Variants in ITGA11 observed in about 807,000 individuals in gnomAD.
ITGA11 encodes the protein integrin alpha-11.
Under a neutral mutation model 141.9 loss-of-function variants are expected in ITGA11, and 97 were observed. The observed-to-expected ratio is 0.68, with a 90% confidence interval of 0.58 to 0.81. The LOEUF (loss-of-function observed/expected upper bound fraction) is 0.81. Ranked by LOEUF, ITGA11 falls within the 30% of genes least tolerant of loss-of-function variation. The probability of loss-of-function intolerance (pLI) is 0.00; values close to 1 mark genes in which losing one functional copy is unlikely to be tolerated. For synonymous variants in ITGA11, 658 were observed against 624.6 expected (o/e 1.05, Z -0.80); for missense variants, 1,387 against 1,559.2 (o/e 0.89, Z 1.86).
chr15:68,376,849 C>A (rs918482814), intron 2 of ITGA11, among the ~76,000 whole-genome samples: 2 of 152,232 alleles, frequency 1.3e-5, no homozygotes, highest in African/African-American at 4.8e-5. Flanking sequence ...GGTACAAATG[C>A]AGGTTCCTGA....
rs762446520 is a variant in ITGA11, at chr15:68,361,572, A to G, written c.472+18T>C. 15 of 1,544,644 alleles carry G rather than the reference A, an allele frequency of 9.7e-6. No individual in the cohort carries two copies. The South Asian group carries it at 1.8e-4, about 18-fold the overall frequency. On this transcript the variant is annotated intron_variant, in intron 5 of 29. Coordinates refer to ENST00000315757, the MANE Select transcript of ITGA11 (RefSeq NM_001004439.2). Reference sequence around the variant, plus strand: ...TGTCCACTGCTCAGCTTGAGGTTGCAGATTTGAAGCCACTTACTTTGGAGA... The same window carrying G: ...TGTCCACTGCTCAGCTTGAGGTTGCGGATTTGAAGCCACTTACTTTGGAGA...
intron 2 of ITGA11, among the ~76,000 whole-genome samples, chr15:68,400,337 T>C (rs1031658503): frequency 3.3e-5 from 5 of 151,294 alleles, no homozygotes; most frequent in Admixed American, 2.7e-4. Flanking sequence ...CAGAGAAGAA[T>C]ATCTTCATGA....
At chr15:68,364,561 A>G in intron 4 of ITGA11, 146 bp downstream of exon 4, 1 of 689,804 alleles carries the variant, frequency 1.4e-6, no homozygotes, top group Non-Finnish European at 2.6e-6. Flanking sequence ...TGCTTCCTGG[A>G]ATGCACAGGG....
Position 68,303,244 on chromosome 15 carries a change from C to T in ITGA11, c.3496-114G>A. On this transcript the variant is annotated intron_variant, in intron 29 of 29. Transcript: ENST00000315757. The surrounding 1 kb of genome is among the most constrained non-coding windows in gnomAD (Gnocchi z 5.3). ...TCCTCCCTCAGGGCTTCCTTGAGTA[C>T]CCCCAGCTCATTCTGAGCACCCCCT... The T allele has an allele frequency of 2.3e-6, 2 of 860,316 alleles. No homozygotes were observed. Among genetic ancestry groups the T allele is most frequent in the South Asian group, 1.5e-5 (1 of 66,398 alleles). 53.3% of individuals were successfully genotyped at this position (860,316 alleles called of 1,614,324 possible). A position where few individuals can be genotyped will look rare whatever the true frequency, so the allele number is the denominator to read the frequency against.
intron 7 of ITGA11, among the ~76,000 whole-genome samples, chr15:68,356,729 A>G (rs1895082399): frequency 6.6e-6 from 1 of 152,182 alleles, no homozygotes; most frequent in African/African-American, 2.4e-5. Context: ...ATATTCTGGG[A>G]CTTCGAGACT....
In ITGA11 at chr15:68,361,615, G is replaced by A; in HGVS notation, c.447C>T (p.Ser149=). 1 of 1,608,408 alleles carries A rather than the reference G, an allele frequency of 6.2e-7. No homozygotes were observed. The highest frequency in any genetic ancestry group is 8.5e-7 in the Non-Finnish European group (1 of 1,177,364). The change falls in exon 5 of 30, where the codon TCC becomes TCT. Residue 149 remains serine (S), a synonymous_variant. Coordinates refer to ENST00000315757, the MANE Select transcript of ITGA11 (RefSeq NM_001004439.2). ...TTTGGAGAGCTGGGGCCACGGTCTT[G>A]GAGAACCTGAAGTTGGAGTTGACTC... is the stretch of plus-strand genomic sequence containing the variant. ...CSRVNSNFRF[S]KTVAPALQRC...
chr15:68,327,709 T>C (rs11630928), intron 16 of ITGA11, among the ~76,000 whole-genome samples: 100,096 of 152,102 alleles, frequency 0.66, 36,726 homozygotes, highest in South Asian at 0.84. Flanking sequence ...TGGGGTCTCA[T>C]TGACCTGGCC....
intron 10 of ITGA11, among the ~76,000 whole-genome samples, chr15:68,343,223 G>A (rs977032976): frequency 1.3e-4 from 20 of 152,168 alleles, no homozygotes; most frequent in Admixed American, 8.5e-4. Flanking sequence ...AGTCACGTTC[G>A]TCATTGCGGT....
At chr15:68,420,529 T>C (rs1303035974) in intron 1 of ITGA11, among the ~76,000 whole-genome samples, 1 of 152,198 alleles carries the variant, frequency 6.6e-6, no homozygotes, top group African/African-American at 2.4e-5. Context: ...AAAGAAAGCC[T>C]TTGATAACAA....
Position 68,326,270 on chromosome 15 carries a change from C to T in ITGA11, c.2211+384G>A, listed in dbSNP as rs1217061730. Among the ~76,000 whole-genome samples, 1 of 152,214 alleles carries T rather than the reference C, an allele frequency of 6.6e-6. No individual in the cohort carries two copies. Among genetic ancestry groups the T allele is most frequent in the Non-Finnish European group, 1.5e-5 (1 of 68,034 alleles). On this transcript the variant is annotated intron_variant, in intron 17 of 29. Coordinates refer to ENST00000315757, the MANE Select transcript of ITGA11 (RefSeq NM_001004439.2). The surrounding 1 kb of genome is among the most constrained non-coding windows in gnomAD (Gnocchi z 6.8). The stretch of plus-strand genomic sequence containing the variant: ...ACTGGCGCCCCTCTCTGTCTCACCT[C>T]CTGTTTTGTACATGCCACTGTCTCC...
In ITGA11 at chr15:68,298,063, A is replaced by G. The variant is rs1892946853; in HGVS notation, c.*4996T>C. 6.6e-6 allele frequency: 1 copy of G among 152,186 alleles called. No homozygotes were observed. Among genetic ancestry groups the G allele is most frequent in the Non-Finnish European group, 1.5e-5 (1 of 68,028 alleles). The allele number at this position is 152,186 out of a possible 1,614,324, so 9.4% of individuals were successfully genotyped here. On this transcript the variant is annotated 3_prime_UTR_variant, in exon 30 of 30. Transcript: ENST00000315757. ...TAGTGAGACTGCGGAAATCATCCAG[A>G]CAGGTTTTAAAACATTTTTTTCTTT...
Position 68,308,839 on chromosome 15 carries a change from T to C in ITGA11, c.3175-1143A>G, listed in dbSNP as rs1893286142. On this transcript the variant is annotated intron_variant, in intron 26 of 29. Coordinates refer to ENST00000315757, the MANE Select transcript of ITGA11 (RefSeq NM_001004439.2). This position sits in a 1 kb window ranked among gnomAD's most constrained non-coding sequence, Gnocchi z 5.2. Reference sequence around the variant, plus strand: ...GCAGCAGCAGATCATTCATATCAATTTGTGAGGAAAAAAAAAATCTTGTTC... The same window carrying C: ...GCAGCAGCAGATCATTCATATCAATCTGTGAGGAAAAAAAAAATCTTGTTC... 6.6e-6 allele frequency among the ~76,000 whole-genome samples: 1 copy of C among 152,086 alleles called. No individual in the cohort carries two copies. The highest frequency in any genetic ancestry group is 1.5e-5 in the Non-Finnish European group (1 of 68,018).
intron 1 of ITGA11, among the ~76,000 whole-genome samples, chr15:68,403,355 G>T (rs376031048): frequency 2.7e-4 from 41 of 152,226 alleles, no homozygotes; most frequent in African/African-American, 8.4e-4. Flanking sequence ...TTGGGTCATG[G>T]GGGCGGATCC....
chr15:68,358,120 T>A (rs1304230188), intron 6 of ITGA11, among the ~76,000 whole-genome samples: 3 of 152,164 alleles, frequency 2.0e-5, no homozygotes, highest in African/African-American at 7.2e-5. Context: ...CCATGACCTG[T>A]ATGTCTAATT....
intron 23 of ITGA11, 50 bp from the exon 24 acceptor site, chr15:68,312,913 G>A (rs1291592289): frequency 1.5e-6 from 2 of 1,314,878 alleles, no homozygotes; most frequent in East Asian, 2.3e-5. Flanking sequence ...GGGCTGGCTG[G>A]ATGGACAGAT....
intron 23 of ITGA11, among the ~76,000 whole-genome samples, chr15:68,313,270 C>T (rs1274247398): frequency 6.6e-6 from 1 of 150,994 alleles, no homozygotes; most frequent in African/African-American, 2.4e-5. Flanking sequence ...TGCCCATGAG[C>T]TCTCAGAGGA....
At chr15:68,423,144 C>G (rs7165305) in intron 1 of ITGA11, among the ~76,000 whole-genome samples, 108,537 of 151,802 alleles carry the variant, frequency 0.71, 39,963 homozygotes, top group African/African-American at 0.9. Context: ...TGCTATGTCT[C>G]GCGCTGTGCA....
chr15:68,335,937 G>A lies in ITGA11; in HGVS notation c.1277-92C>T. On this transcript the variant is annotated intron_variant, in intron 11 of 29. Transcript: ENST00000315757. The surrounding 1 kb of genome is among the most constrained non-coding windows in gnomAD (Gnocchi z 4.9). ...CATGGCTTGGCAGTGCCAGAGGATG[G>A]GCCAGTGATGGGGTAGGTTCAGGGC... The A allele has an allele frequency of 7.1e-7, 1 of 1,417,324 alleles. No individual in the cohort carries two copies. Among genetic ancestry groups the A allele is most frequent in the Non-Finnish European group, 9.6e-7 (1 of 1,036,756 alleles). The allele number at this position is 1,417,324 out of a possible 1,614,324, so 87.8% of individuals were successfully genotyped here.
chr15:68,342,007 G>C (rs1313981453), intron 10 of ITGA11, among the ~76,000 whole-genome samples: 1 of 152,180 alleles, frequency 6.6e-6, no homozygotes, highest in African/African-American at 2.4e-5. Flanking sequence ...GAGTGAATTT[G>C]TTGTGGCCAG....
Sources: gnomAD v4.1 joint callset for allele counts (sites outside exome capture counted in the v4.1 genomes callset) on GRCh38, gnomAD v4.1.1 for gene constraint, Gnocchi (gnomAD v3.1) non-coding constraint, MANE v1.5 for transcripts, NCBI Gene and HGNC (gene_info 2026-07-23, HGNC 2026-07-21) for gene names.